PTPRN2: variants seen among roughly 807,000 people sequenced by gnomAD.
PTPRN2 encodes receptor-type tyrosine-protein phosphatase N2.
PTPRN2 carries 74 observed loss-of-function variants against 118.8 expected under a neutral mutation model. The observed-to-expected ratio is 0.62, with a 90% CI of 0.52 to 0.76. The LOEUF is 0.76. PTPRN2 is among the 30% of genes least tolerant of loss of function. The pLI is 0.00. For synonymous variants in PTPRN2, 641 were observed against 608.0 expected, an observed-to-expected ratio of 1.05 and a Z score of -0.80; for missense variants, 1,481 against 1,394.4, an observed-to-expected ratio of 1.06 and a Z score of -0.99.
intron 12 of PTPRN2, among the ~76,000 whole-genome samples, chr7:157,793,732 G>A (rs551474618): frequency 1.1e-4 from 17 of 152,316 alleles, no homozygotes; most frequent in Middle Eastern, 3.4e-3. Flanking sequence ...GCCACGTATA[G>A]ATCCACTGGA....
chr7:158,242,882 TTTCTGA>T (rs1795978800), intron 3 of PTPRN2, among the ~76,000 whole-genome samples: 1 of 152,224 alleles, frequency 6.6e-6, no homozygotes, highest in Non-Finnish European at 1.5e-5. Context: ...TCTTCTTTCA[TTTCTGA>T]TTCTATTTAT....
chr7:157,861,247 G>A lies in PTPRN2; in HGVS notation c.1788+37426C>T, dbSNP rs1297480720. On this transcript the variant is annotated intron_variant, in intron 12 of 22. Coordinates refer to ENST00000389418, the MANE Select transcript of PTPRN2 (RefSeq NM_002847.5). The surrounding 1 kb of genome is among the most constrained non-coding windows in gnomAD (Gnocchi z 5.8). Reference sequence around the variant, plus strand: ...CTGAATTCCTGTACCTTTTACATACGTGAAGTCTATACAATAATGGAACCG... The same window carrying A: ...CTGAATTCCTGTACCTTTTACATACATGAAGTCTATACAATAATGGAACCG... Among the ~76,000 whole-genome samples the A allele has an allele frequency of 6.6e-6, 1 of 152,208 alleles. No individual in the cohort carries two copies. Among genetic ancestry groups the A allele is most frequent in the Non-Finnish European group, 1.5e-5 (1 of 68,040 alleles).
chr7:157,787,628 C>T lies in PTPRN2; in HGVS notation c.1789-104691G>A, dbSNP rs1256721777. Among the ~76,000 whole-genome samples, 2 of 152,122 alleles carry T rather than the reference C, an allele frequency of 1.3e-5. No individual in the cohort carries two copies. Among genetic ancestry groups the T allele is most frequent in the East Asian group, 1.9e-4 (1 of 5,174 alleles). On this transcript the variant is annotated intron_variant, in intron 12 of 22. Transcript: ENST00000389418. This position sits in a 1 kb window ranked among gnomAD's most constrained non-coding sequence, Gnocchi z 5.3. ...GTGGCCGTGACCTGGAGGACAAGGA[C>T]ATGCATTTCACACTGACCGGGGCCT...
At chr7:158,505,130 A>G (rs537504749) in intron 1 of PTPRN2, among the ~76,000 whole-genome samples, 1 of 152,334 alleles carries the variant, frequency 6.6e-6, no homozygotes, top group South Asian at 2.1e-4. Flanking sequence ...TTATCATCGC[A>G]TCATAAATCA....
chr7:158,138,468 C>A lies in PTPRN2; in HGVS notation c.958G>T (p.Glu320Ter). Residue 320 changes from glutamate (E) to a stop codon, truncating the protein, a stop_gained, in exon 7 of 23, where the codon GAG becomes TAG. Transcript: ENST00000389418. LOFTEE classifies it high-confidence loss of function. ...LLKDLQRQPA[E>*]VRGLSGLELD... ...TCCAGGCCACTCAGGCCCCTCACCT[C>A]AGCCGGCTGCCTCTGCAGGTCCTTC... The A allele has an allele frequency of 1.2e-6, 2 of 1,613,018 alleles. No individual in the cohort carries two copies. Among genetic ancestry groups the A allele is most frequent in the South Asian group, 2.2e-5 (2 of 91,076 alleles).
At chr7:157,797,514 T>C (rs1804949163) in intron 12 of PTPRN2, among the ~76,000 whole-genome samples, 1 of 152,126 alleles carries the variant, frequency 6.6e-6, no homozygotes, top group Non-Finnish European at 1.5e-5. Flanking sequence ...GCTGAGGTCG[T>C]GGGAGGCATC....
rs2150599005 is a variant in PTPRN2, at chr7:157,611,253, G to T, written c.2345-7178C>A. Among the ~76,000 whole-genome samples, 1 of 152,226 alleles carries T rather than the reference G, an allele frequency of 6.6e-6. No individual in the cohort carries two copies. ...TCTCTCAGAAAGTCGCCCCCCAATG[G>T]GATCGGAAGCATGTTGGGCAGGTGA... On this transcript the variant is annotated intron_variant, in intron 15 of 22. Coordinates refer to ENST00000389418, the MANE Select transcript of PTPRN2 (RefSeq NM_002847.5). This position sits in a 1 kb window ranked among gnomAD's most constrained non-coding sequence, Gnocchi z 5.9.
At chr7:158,070,596 TGGTG>T in intron 11 of PTPRN2, among the ~76,000 whole-genome samples, 1 of 120,394 alleles carries the variant, frequency 8.3e-6, no homozygotes, top group African/African-American at 3.7e-5. Flanking sequence ...GAGGTGCCTG[TGGTG>T]GAGGTGCTCC....
intron 10 of PTPRN2, among the ~76,000 whole-genome samples, chr7:158,085,479 A>G (rs1813281439): frequency 1.0e-5 from 1 of 97,688 alleles, no homozygotes. Flanking sequence ...ACACCCATCC[A>G]CACCCACGAC....
intron 11 of PTPRN2, among the ~76,000 whole-genome samples, chr7:158,009,920 C>T (rs901120549): frequency 1.3e-5 from 2 of 152,212 alleles, no homozygotes; most frequent in African/African-American, 4.8e-5. Flanking sequence ...CCAGAATTCC[C>T]CATGCCATCC....
intron 2 of PTPRN2, among the ~76,000 whole-genome samples, chr7:158,396,718 G>T (rs1267025922): frequency 6.6e-6 from 1 of 152,218 alleles, no homozygotes; most frequent in Admixed American, 6.5e-5. Flanking sequence ...GTGTGCATGT[G>T]TGTGTGTGCG....
chr7:157,624,006 T>C (rs1163173652), intron 14 of PTPRN2, among the ~76,000 whole-genome samples: 5 of 152,238 alleles, frequency 3.3e-5, no homozygotes, highest in African/African-American at 1.2e-4. Context: ...GTGGGGAAGC[T>C]AGGCCTTCAT....
At chr7:157,701,643 T>C (rs1798071317) in intron 12 of PTPRN2, among the ~76,000 whole-genome samples, 1 of 152,250 alleles carries the variant, frequency 6.6e-6, no homozygotes, top group Non-Finnish European at 1.5e-5. Context: ...GCCACAGCCA[T>C]GCAGACTTTA....
intron 5 of PTPRN2, among the ~76,000 whole-genome samples, chr7:158,169,844 A>G (rs1823382415): frequency 6.7e-6 from 1 of 149,908 alleles, no homozygotes; most frequent in Non-Finnish European, 1.5e-5. Context: ...GGTGCCCTTC[A>G]CCACGCCCTG....
chr7:158,481,648 G>C (rs777533547), intron 2 of PTPRN2, among the ~76,000 whole-genome samples: 1 of 152,164 alleles, frequency 6.6e-6, no homozygotes, highest in Non-Finnish European at 1.5e-5. Flanking sequence ...ATTTTTAGTA[G>C]AGACAGGGTT....
intron 13 of PTPRN2, among the ~76,000 whole-genome samples, chr7:157,657,257 T>C (rs1332293317): frequency 1.9e-5 from 1 of 53,094 alleles, no homozygotes. Flanking sequence ...ATCACACATA[T>C]ACACACACAT....
chr7:158,250,784 A>G (rs1318424659), intron 3 of PTPRN2, among the ~76,000 whole-genome samples: 7 of 152,214 alleles, frequency 4.6e-5, no homozygotes, highest in Admixed American at 3.9e-4. Context: ...GCACTGTGCT[A>G]TCACTATTTC....
intron 6 of PTPRN2, among the ~76,000 whole-genome samples, chr7:158,141,864 C>T (rs1328072128): frequency 2.6e-5 from 4 of 152,168 alleles, no homozygotes; most frequent in East Asian, 3.9e-4. Context: ...TGGGATGAAG[C>T]GGACAGAGTC....
At chr7:158,080,860 C>A (rs531249144) in intron 11 of PTPRN2, among the ~76,000 whole-genome samples, 1 of 152,166 alleles carries the variant, frequency 6.6e-6, no homozygotes, top group Non-Finnish European at 1.5e-5. Context: ...CCACCGCAGT[C>A]GGGAGCAGGG....
Sources: gnomAD v4.1 joint callset for allele counts (sites outside exome capture counted in the v4.1 genomes callset) on GRCh38, gnomAD v4.1.1 for gene constraint, Gnocchi (gnomAD v3.1) non-coding constraint, MANE v1.5 for transcripts, NCBI Gene and HGNC (gene_info 2026-07-23, HGNC 2026-07-21) for gene names.